Variants in LAMA2 observed in about 807,000 individuals in gnomAD.
The protein encoded by LAMA2 is laminin subunit alpha-2.
LAMA2 carries 269 observed loss-of-function variants against 364.8 expected under a neutral mutation model. The observed-to-expected ratio is 0.74, with a 90% confidence interval of 0.67 to 0.82. LAMA2 has a LOEUF of 0.82. Ranked by LOEUF, LAMA2 falls within the 40% of genes least tolerant of loss-of-function variation. LAMA2 has a pLI of 0.00. For synonymous variants in LAMA2, 1,379 were observed against 1,370.6 expected, an observed-to-expected ratio of 1.01 and a Z score of -0.14; for missense variants, 3,807 against 3,873.2, an observed-to-expected ratio of 0.98 and a Z score of 0.45.
chr6:128,931,286 G>T (rs1273321752), intron 1 of LAMA2, among the ~76,000 whole-genome samples: 1 of 152,110 alleles, frequency 6.6e-6, no homozygotes, highest in Non-Finnish European at 1.5e-5. Context: ...AGTCTTTATT[G>T]TAGTTCTTAT....
At chr6:129,388,263 A>AC (rs1418754064) in intron 35 of LAMA2, among the ~76,000 whole-genome samples, 3 of 151,784 alleles carry the variant, frequency 2.0e-5, no homozygotes, top group South Asian at 2.1e-4. Context: ...CTCAAAAAAA[A>AC]AAAAACAAAA....
chr6:129,429,266 AC>A (rs1781475192), intron 41 of LAMA2, among the ~76,000 whole-genome samples: 1 of 152,142 alleles, frequency 6.6e-6, no homozygotes, highest in Non-Finnish European at 1.5e-5. Flanking sequence ...AATTTTTAAA[AC>A]TTTTTTATTG....
At chr6:129,488,684 TG>T (rs535032096) in intron 56 of LAMA2, among the ~76,000 whole-genome samples, 7 of 152,246 alleles carry the variant, frequency 4.6e-5, no homozygotes, top group African/African-American at 7.2e-5. Flanking sequence ...GTGTAGTCAC[TG>T]AACTCTGTGC....
At chr6:129,045,896 A>G (rs559541007) in intron 1 of LAMA2, among the ~76,000 whole-genome samples, 1 of 152,190 alleles carries the variant, frequency 6.6e-6, no homozygotes, top group Non-Finnish European at 1.5e-5. Context: ...GAATGAGGCC[A>G]TGGTCAGGGT....
Position 129,393,254 on chromosome 6 carries a change from A to C in LAMA2, c.5444A>C (p.Glu1815Ala). The C allele has an allele frequency of 6.2e-7, 1 of 1,611,022 alleles. No individual in the cohort carries two copies. The highest frequency in any genetic ancestry group is 8.5e-7 in the Non-Finnish European group (1 of 1,177,330). Residue 1815 changes from glutamate to alanine, a missense_variant and splice_region_variant, in exon 37 of 65, where the codon GAG becomes GCG. By Grantham distance (107) the Glu-to-Ala change is moderately radical (BLOSUM62 -1). This residue lies in a region of LAMA2 where 3,333 missense variants were observed against 3,345.7 expected (regional missense o/e 1.00). Transcript: ENST00000421865. The part of the protein sequence containing the change: ...AVNQKNMTAL[E>A]KKKEAVESGK... ...AATCAGAAAAACATGACTGCATTGG[A>C]GGTGAGTCTTAGGGGCACTTTTATC...
At chr6:129,222,330 A>G (rs570267186) in intron 12 of LAMA2, among the ~76,000 whole-genome samples, 3 of 151,948 alleles carry the variant, frequency 2.0e-5, no homozygotes, top group African/African-American at 7.2e-5. Context: ...AATTCTTAGA[A>G]TAATGCCTGG....
At chr6:129,367,760 A>G (rs1210322066) in intron 33 of LAMA2, among the ~76,000 whole-genome samples, 1 of 152,244 alleles carries the variant, frequency 6.6e-6, no homozygotes, top group African/African-American at 2.4e-5. Context: ...AAGCTAGGCA[A>G]TTGACTGAAG....
intron 3 of LAMA2, among the ~76,000 whole-genome samples, chr6:129,090,195 T>C (rs1774732873): frequency 6.6e-6 from 1 of 152,284 alleles, no homozygotes; most frequent in Non-Finnish European, 1.5e-5. Context: ...TGGACTCAAA[T>C]GTACCCAACA....
intron 8 of LAMA2, 83 bp from the exon 9 acceptor site, chr6:129,165,493 C>T (rs899911680): frequency 6.1e-6 from 5 of 823,888 alleles, no homozygotes; most frequent in Middle Eastern, 2.4e-4. Context: ...ATTAAAACTA[C>T]TTTGTCTATA....
intron 5 of LAMA2, among the ~76,000 whole-genome samples, chr6:129,146,016 T>A (rs1778410357): frequency 6.7e-6 from 1 of 150,146 alleles, no homozygotes; most frequent in African/African-American, 2.5e-5. Flanking sequence ...TAAGATAACA[T>A]AACAAAAATA....
At chr6:129,121,262 C>A (rs1444925035) in intron 4 of LAMA2, among the ~76,000 whole-genome samples, 1 of 152,124 alleles carries the variant, frequency 6.6e-6, no homozygotes, top group African/African-American at 2.4e-5. Context: ...GTCTACTAGA[C>A]TTTCTAAATT....
intron 1 of LAMA2, among the ~76,000 whole-genome samples, chr6:128,887,583 T>TGGG (rs1776214003): frequency 6.6e-6 from 1 of 152,080 alleles, no homozygotes; most frequent in Admixed American, 6.6e-5. Context: ...CAAGGGATGC[T>TGGG]GGGGGCTGGG....
chr6:129,152,362 G>C lies in LAMA2; in HGVS notation c.1028-2143G>C, dbSNP rs1211268656. ...AGAAAGTGTTTTATCATATCTACTAGAGGAAAAGTCATTTGTCATAGCGTT... is the reference window on the plus strand; with the variant it reads ...AGAAAGTGTTTTATCATATCTACTACAGGAAAAGTCATTTGTCATAGCGTT... On this transcript the variant is annotated intron_variant, in intron 7 of 64. Transcript: ENST00000421865. Among the ~76,000 whole-genome samples the C allele has an allele frequency of 3.4e-4, 52 of 152,142 alleles. 2 individuals are homozygous for C. Among genetic ancestry groups the C allele is most frequent in the Non-Finnish European group, 1.5e-5 (1 of 68,026 alleles).
At chr6:129,064,024 A>G (rs1789117273) in intron 3 of LAMA2, among the ~76,000 whole-genome samples, 1 of 152,112 alleles carries the variant, frequency 6.6e-6, no homozygotes, top group Non-Finnish European at 1.5e-5. Flanking sequence ...TCCAATTTTC[A>G]GTCTTGAAGG....
chr6:128,895,717 T>C (rs1776733900), intron 1 of LAMA2, among the ~76,000 whole-genome samples: 1 of 152,092 alleles, frequency 6.6e-6, no homozygotes, highest in Non-Finnish European at 1.5e-5. Context: ...CAGAAGAGAT[T>C]TTTATTCCTT....
rs543276127 is a variant in LAMA2, at chr6:129,312,997, A to G, written c.3311A>G (p.Asn1104Ser). ...GGTCACTGGAACTACCCTCGCTGCA[A>G]TCTCTGTGACTGCTTCCTCCCTGGG... ...SRGHWNYPRCNLCDCFLPGTD... is the reference protein window; with the variant it reads ...SRGHWNYPRCSLCDCFLPGTD... Residue 1104 changes from asparagine to serine, a missense_variant, in exon 23 of 65, where the codon AAT (asparagine) becomes AGT (serine). This residue lies in a region of LAMA2 where 3,333 missense variants were observed against 3,345.7 expected (regional missense o/e 1.00). Coordinates refer to ENST00000421865, the MANE Select transcript of LAMA2 (RefSeq NM_000426.4). 1.2e-5 allele frequency: 20 copies of G among 1,614,146 alleles called. No homozygotes were observed. The highest frequency in any genetic ancestry group is 1.7e-5 in the Non-Finnish European group (20 of 1,179,992).
At chr6:129,250,923 G>A (rs750352625) in intron 13 of LAMA2, among the ~76,000 whole-genome samples, 52 of 152,002 alleles carry the variant, frequency 3.4e-4, no homozygotes, top group Admixed American at 9.2e-4. Flanking sequence ...TCATGCATGT[G>A]AATCTATGAC....
intron 1 of LAMA2, among the ~76,000 whole-genome samples, chr6:129,048,675 T>A (rs1391778637): frequency 6.6e-6 from 1 of 150,768 alleles, no homozygotes; most frequent in African/African-American, 2.4e-5. Flanking sequence ...AGTGCAGTGA[T>A]GTGATCTCAG....
At chr6:129,464,152 A>G in intron 49 of LAMA2, 138 bp from the exon 50 acceptor site, 1 of 763,686 alleles carries the variant, frequency 1.3e-6, no homozygotes, top group Non-Finnish European at 2.3e-6. Flanking sequence ...GATGGAGATA[A>G]GTGGAAGGAA....
Sources: allele counts gnomAD v4.1 joint callset (sites outside exome capture counted in the v4.1 genomes callset), GRCh38; gene constraint gnomAD v4.1.1; regional missense constraint gnomAD v4.1.1; transcripts MANE v1.5; gene names NCBI Gene and HGNC (gene_info 2026-07-23, HGNC 2026-07-21).